Variants in XKR4 observed in about 807,000 individuals in gnomAD.
The protein encoded by XKR4 is XK-related protein 4.
A neutral mutation model predicts 53.9 loss-of-function variants in XKR4; 12 were observed. The observed-to-expected ratio is 0.22, with a 90% CI of 0.14 to 0.36. The LOEUF is 0.36. XKR4 is among the 10% of genes least tolerant of loss of function. The probability of loss-of-function intolerance (pLI) is 1.00; values close to 1 mark genes in which losing one functional copy is unlikely to be tolerated. For missense variants in XKR4, 799 were observed against 859.5 expected (o/e 0.93, Z 0.88); for synonymous variants, 354 against 362.4 (o/e 0.98, Z 0.26).
At chr8:55,468,454 T>C (rs923880876) in intron 2 of XKR4, among the ~76,000 whole-genome samples, 2 of 152,122 alleles carry the variant, frequency 1.3e-5, no homozygotes, top group African/African-American at 4.8e-5. Flanking sequence ...ATGTTATATC[T>C]AATTTTTTTT....
At chr8:55,274,682 C>A (rs1199690710) in intron 1 of XKR4, among the ~76,000 whole-genome samples, 1 of 152,154 alleles carries the variant, frequency 6.6e-6, no homozygotes, top group Non-Finnish European at 1.5e-5. Context: ...ATCTGCCTGC[C>A]TCGTCCTTTC....
At chr8:55,301,088 G>A (rs1176151519) in intron 1 of XKR4, among the ~76,000 whole-genome samples, 1 of 151,592 alleles carries the variant, frequency 6.6e-6, no homozygotes, top group Non-Finnish European at 1.5e-5. Flanking sequence ...CTGGTGTGCT[G>A]CACCCATTAA....
chr8:55,143,951 A>G (rs968240495), intron 1 of XKR4, among the ~76,000 whole-genome samples: 2 of 152,200 alleles, frequency 1.3e-5, no homozygotes, highest in African/African-American at 2.4e-5. Context: ...TCTATCTCTA[A>G]CAGGTAATCT....
chr8:55,308,978 G>A (rs868462041), intron 1 of XKR4, among the ~76,000 whole-genome samples: 2 of 152,178 alleles, frequency 1.3e-5, no homozygotes, highest in Non-Finnish European at 2.9e-5. Flanking sequence ...TTCAGAAAAG[G>A]CCTACCCTGT....
intron 1 of XKR4, among the ~76,000 whole-genome samples, chr8:55,196,424 C>A (rs1165947371): frequency 6.6e-6 from 1 of 152,154 alleles, no homozygotes; most frequent in Admixed American, 6.5e-5. Context: ...CTCAGGTGAT[C>A]TGCCCGCCTC....
intron 2 of XKR4, among the ~76,000 whole-genome samples, chr8:55,440,377 A>G (rs755645914): frequency 6.6e-6 from 1 of 152,164 alleles, no homozygotes; most frequent in Admixed American, 6.5e-5. Context: ...TAAAAAGTCT[A>G]ATTTAGGGAG....
chr8:55,414,211 T>C (rs1163656688), intron 2 of XKR4, among the ~76,000 whole-genome samples: 1 of 152,182 alleles, frequency 6.6e-6, no homozygotes, highest in Non-Finnish European at 1.5e-5. Flanking sequence ...GAATATTAAA[T>C]AGAGGCCTTG....
At chr8:55,332,805 C>A (rs899836250) in intron 1 of XKR4, among the ~76,000 whole-genome samples, 2 of 151,184 alleles carry the variant, frequency 1.3e-5, no homozygotes, top group Non-Finnish European at 2.9e-5. Context: ...CTCAAGTAAT[C>A]CCTCTATTCC....
intron 1 of XKR4, among the ~76,000 whole-genome samples, chr8:55,131,588 G>A (rs145645335): frequency 3.3e-5 from 5 of 152,220 alleles, no homozygotes; most frequent in African/African-American, 4.8e-5. Context: ...TAGATGCCTC[G>A]CATTAGCATC....
chr8:55,260,051 C>T (rs1818497309), intron 1 of XKR4, among the ~76,000 whole-genome samples: 2 of 152,152 alleles, frequency 1.3e-5, no homozygotes, highest in African/African-American at 4.8e-5. Context: ...GTCTATCTCC[C>T]CTACTAGGTG....
intron 1 of XKR4, among the ~76,000 whole-genome samples, chr8:55,177,038 TTC>T (rs376399417): frequency 1.3e-3 from 194 of 151,118 alleles, no homozygotes; most frequent in African/African-American, 4.4e-3. Flanking sequence ...CTTCTTCTTC[TTC>T]TTTTTTTTTT....
intron 1 of XKR4, among the ~76,000 whole-genome samples, chr8:55,124,382 G>A (rs1023233134): frequency 6.6e-6 from 1 of 152,200 alleles, no homozygotes; most frequent in African/African-American, 2.4e-5. Context: ...CTGAAGGCGG[G>A]ACAAAAGGAG....
chr8:55,343,314 T>C (rs560659855), intron 1 of XKR4, among the ~76,000 whole-genome samples: 1 of 152,272 alleles, frequency 6.6e-6, no homozygotes, highest in East Asian at 1.9e-4. Context: ...TGGTGAAAGC[T>C]TTTCGCCCTT....
At chr8:55,477,469 A>T (rs1284807181) in intron 2 of XKR4, among the ~76,000 whole-genome samples, 1 of 152,150 alleles carries the variant, frequency 6.6e-6, no homozygotes, top group Admixed American at 6.5e-5. Context: ...AACAGAGCAG[A>T]AAAACTGGAA....
At chr8:55,474,755 C>T (rs952072022) in intron 2 of XKR4, among the ~76,000 whole-genome samples, 1 of 152,144 alleles carries the variant, frequency 6.6e-6, no homozygotes, top group Non-Finnish European at 1.5e-5. Flanking sequence ...TCCTTTCCCT[C>T]ACACAGAGTG....
chr8:55,261,964 T>C (rs1818533399), intron 1 of XKR4, among the ~76,000 whole-genome samples: 1 of 152,010 alleles, frequency 6.6e-6, no homozygotes, highest in Non-Finnish European at 1.5e-5. Flanking sequence ...GGAAGAGAGA[T>C]GGTTATTAAT....
At chr8:55,215,477 A>C (rs1817786822) in intron 1 of XKR4, among the ~76,000 whole-genome samples, 1 of 152,244 alleles carries the variant, frequency 6.6e-6, no homozygotes, top group Admixed American at 6.5e-5. Flanking sequence ...TGGATACAGA[A>C]GTTAAATTGC....
chr8:55,187,965 A>C (rs1283311268), intron 1 of XKR4, among the ~76,000 whole-genome samples: 1 of 152,216 alleles, frequency 6.6e-6, no homozygotes, highest in Non-Finnish European at 1.5e-5. Flanking sequence ...GTACTTGGAA[A>C]TTTAAGTGCT....
At position 55,449,649 on chromosome 8, in the gene XKR4, T is replaced by A. The variant is rs1805399496; in HGVS notation, c.1007-73632T>A. ...TCATCCACGCTCTTAGGGGCACCCA[T>A]GGTGGCCATGCCAGGTGCCACAGCC... On this transcript the variant is annotated intron_variant, in intron 2 of 2. Coordinates refer to ENST00000327381, the MANE Select transcript of XKR4 (RefSeq NM_052898.2). 6.3e-6 allele frequency: 6 copies of A among 945,704 alleles called. No individual in the cohort carries two copies. The South Asian group carries it at 7.7e-5, about 12-fold the overall frequency. The allele number at this position is 945,704 out of a possible 1,614,324, so 58.6% of individuals were successfully genotyped here.
Sources: allele counts gnomAD v4.1 joint callset (sites outside exome capture counted in the v4.1 genomes callset), GRCh38; gene constraint gnomAD v4.1.1; transcripts MANE v1.5; gene names NCBI Gene and HGNC (gene_info 2026-07-23, HGNC 2026-07-21).